Variants in EHD4 observed in about 807,000 individuals in gnomAD.
EHD4 encodes the protein EH domain containing 4.
EHD4 carries 37 observed loss-of-function variants against 51.0 expected under a neutral mutation model. That is an observed-to-expected ratio of 0.73 (90% CI 0.56 to 0.95). The LOEUF (loss-of-function observed/expected upper bound fraction) is 0.95, where lower values mean the gene tolerates loss of function less well. Ranked by LOEUF, EHD4 falls within the 40% of genes least tolerant of loss-of-function variation. EHD4 has a pLI of 0.00. For synonymous variants in EHD4, 297 were observed against 317.3 expected (o/e 0.94, Z 0.68); for missense variants, 632 against 733.1 (o/e 0.86, Z 1.59).
intron 5 of EHD4, 134 bp downstream of exon 5, chr15:41,909,565 T>G: frequency 9.5e-7 from 1 of 1,048,884 alleles, no homozygotes; most frequent in Non-Finnish European, 1.4e-6. Flanking sequence ...CCTATTATCA[T>G]GGATCACCAT....
At chr15:41,953,667 T>C (rs2067867470) in intron 2 of EHD4, 97 bp downstream of exon 2, 4 of 1,311,046 alleles carry the variant, frequency 3.1e-6, no homozygotes, top group Non-Finnish European at 3.1e-6. Context: ...CAGAGATTCT[T>C]TGTTCTTCTG....
At chr15:41,927,821 G>A (rs955701176) in intron 3 of EHD4, among the ~76,000 whole-genome samples, 2 of 151,510 alleles carry the variant, frequency 1.3e-5, no homozygotes, top group African/African-American at 4.8e-5. Flanking sequence ...TTAAAAATGC[G>A]TAAAGAGGGT....
chr15:41,944,601 C>T (rs756402550), intron 2 of EHD4, among the ~76,000 whole-genome samples: 7 of 152,120 alleles, frequency 4.6e-5, no homozygotes, highest in Non-Finnish European at 7.4e-5. Flanking sequence ...GCTTGGGATA[C>T]GATTTTTCAC....
chr15:41,946,736 A>G (rs1305465180), intron 2 of EHD4, among the ~76,000 whole-genome samples: 1 of 152,114 alleles, frequency 6.6e-6, no homozygotes, highest in Non-Finnish European at 1.5e-5. Context: ...AGATAAATAC[A>G]TACATACATA....
chr15:41,898,516 C>T lies in EHD4; in HGVS notation c.*2129G>A, dbSNP rs1276118974. ...ATTCCCTCTTCTCTCTCAGTTCACCCTTTGGTGACCTCCACCGTGGCTGCA... is the reference window on the plus strand; with the variant it reads ...ATTCCCTCTTCTCTCTCAGTTCACCTTTTGGTGACCTCCACCGTGGCTGCA... On this transcript the variant is annotated 3_prime_UTR_variant, in exon 6 of 6. Transcript: ENST00000220325. 6.6e-6 allele frequency: 1 copy of T among 152,232 alleles called. No homozygotes were observed. Among genetic ancestry groups the T allele is most frequent in the Non-Finnish European group, 1.5e-5 (1 of 68,052 alleles). 9.4% of individuals were successfully genotyped at this position (152,232 alleles called of 1,614,324 possible).
Position 41,953,453 on chromosome 15 carries a change from C to T in EHD4, c.413+311G>A, listed in dbSNP as rs1030364841. ...CAAGCTGGTCTCAAACTCCTGGCTT[C>T]GAACAATCCTTTTGCCTCAGCCTCC... On this transcript the variant is annotated intron_variant, in intron 2 of 5. Transcript: ENST00000220325. 7.2e-5 allele frequency among the ~76,000 whole-genome samples: 11 copies of T among 152,150 alleles called. No individual in the cohort carries two copies. In the East Asian group the frequency reaches 1.2e-3, roughly 16 times the overall value.
At chr15:41,937,464 C>T (rs993430105) in intron 3 of EHD4, among the ~76,000 whole-genome samples, 2 of 152,200 alleles carry the variant, frequency 1.3e-5, no homozygotes, top group African/African-American at 4.8e-5. Flanking sequence ...CCTTGGCTGG[C>T]TAGAGAGCTC....
At chr15:41,960,393 T>C (rs1595546063) in intron 1 of EHD4, among the ~76,000 whole-genome samples, 1 of 152,340 alleles carries the variant, frequency 6.6e-6, no homozygotes, top group African/African-American at 2.4e-5. Context: ...AAAATTGAGA[T>C]AAAAGTTAAA....
chr15:41,936,904 G>T (rs2067735189), intron 3 of EHD4, among the ~76,000 whole-genome samples: 1 of 152,050 alleles, frequency 6.6e-6, no homozygotes, highest in Non-Finnish European at 1.5e-5. Context: ...GGCCCAAGTG[G>T]CTAGTGATGT....
intron 3 of EHD4, among the ~76,000 whole-genome samples, chr15:41,932,498 C>T (rs759009493): frequency 6.6e-6 from 1 of 152,120 alleles, no homozygotes; most frequent in Non-Finnish European, 1.5e-5. Flanking sequence ...TGCTTTGCAT[C>T]TCGATTTGGA....
At chr15:41,939,823 C>T (rs1358809782) in intron 3 of EHD4, among the ~76,000 whole-genome samples, 1 of 149,202 alleles carries the variant, frequency 6.7e-6, no homozygotes, top group South Asian at 2.1e-4. Flanking sequence ...AGATTTTCTG[C>T]TAACCATAAT....
At chr15:41,947,296 A>G (rs1312718971) in intron 2 of EHD4, among the ~76,000 whole-genome samples, 1 of 152,088 alleles carries the variant, frequency 6.6e-6, no homozygotes, top group East Asian at 1.9e-4. Context: ...TTTGCTCTCT[A>G]CCTAGTGGTG....
chr15:41,930,746 GA>G (rs2067692750), intron 3 of EHD4, among the ~76,000 whole-genome samples: 1 of 152,148 alleles, frequency 6.6e-6, no homozygotes, highest in African/African-American at 2.4e-5. Context: ...ATTACTCAGA[GA>G]CAGTTATTTC....
At chr15:41,904,725 A>T (rs1292966476) in intron 5 of EHD4, among the ~76,000 whole-genome samples, 2 of 152,140 alleles carry the variant, frequency 1.3e-5, no homozygotes, top group Non-Finnish European at 2.9e-5. Flanking sequence ...AATGCTGCCA[A>T]CTCATGAGCT....
chr15:41,930,256 T>C (rs1040303485), intron 3 of EHD4, among the ~76,000 whole-genome samples: 1 of 152,240 alleles, frequency 6.6e-6, no homozygotes, highest in African/African-American at 2.4e-5. Flanking sequence ...GTCACGCACA[T>C]GGAAATTGTC....
In EHD4 at chr15:41,919,343, G is replaced by C; in HGVS notation, c.791C>G (p.Pro264Arg). Residue 264 changes from proline to arginine, a missense_variant, in exon 4 of 6, where the codon CCC becomes CGC. Coordinates refer to ENST00000220325, the MANE Select transcript of EHD4 (RefSeq NM_139265.4). Reference protein sequence around the residue: ...RVYIGSFWAQPLQNTDNRRLF... With the variant: ...RVYIGSFWAQRLQNTDNRRLF... ...CCGGCGGTTGTCCGTGTTCTGCAGG[G>C]GCTGCGCCCAGAAGGAGCCAATGTA... 1 of 1,614,210 alleles carries C rather than the reference G, an allele frequency of 6.2e-7. No individual in the cohort carries two copies. The highest frequency in any genetic ancestry group is 8.5e-7 in the Non-Finnish European group (1 of 1,180,034).
At chr15:41,943,347 G>C (rs1046267470) in intron 2 of EHD4, among the ~76,000 whole-genome samples, 183 bp from the exon 3 acceptor site, 14 of 152,152 alleles carry the variant, frequency 9.2e-5, no homozygotes, top group African/African-American at 3.4e-4. Flanking sequence ...GAGATTGATA[G>C]CACCTCCATC....
chr15:41,908,666 C>T (rs2067528079), intron 5 of EHD4: 1 of 152,372 alleles, frequency 6.6e-6, no homozygotes, highest in African/African-American at 2.4e-5. Flanking sequence ...TGTAGTCCCA[C>T]AAGGCAGTGA....
chr15:41,902,660 G>A (rs1179470659), intron 5 of EHD4, among the ~76,000 whole-genome samples: 1 of 151,866 alleles, frequency 6.6e-6, no homozygotes, highest in Non-Finnish European at 1.5e-5. Flanking sequence ...TGTAATCCCA[G>A]CACTTTGGGA....
Sources: gnomAD v4.1 joint callset for allele counts (sites outside exome capture counted in the v4.1 genomes callset) on GRCh38, gnomAD v4.1.1 for gene constraint, MANE v1.5 for transcripts, NCBI Gene and HGNC (gene_info 2026-07-23, HGNC 2026-07-21) for gene names.